GUCY2D: variants seen among roughly 807,000 people sequenced by gnomAD.
GUCY2D encodes the protein retinal guanylyl cyclase 1.
In GUCY2D, 70 loss-of-function variants were observed where a neutral mutation model predicts 101.3. The observed-to-expected ratio is 0.69, with a 90% confidence interval of 0.57 to 0.84. The LOEUF is 0.84. Ranked by LOEUF, GUCY2D falls within the 40% of genes least tolerant of loss-of-function variation. The pLI is 0.00. For missense variants in GUCY2D, 1,460 were observed against 1,542.5 expected (o/e 0.95, Z 0.90); for synonymous variants, 688 against 670.7 (o/e 1.03, Z -0.40).
chr17:8,006,652 G>A lies in GUCY2D; in HGVS notation c.1316G>A (p.Gly439Glu). The A allele has an allele frequency of 6.2e-7, 1 of 1,612,730 alleles. No homozygotes were observed. The highest frequency in any genetic ancestry group is 8.5e-7 in the Non-Finnish European group (1 of 1,179,498). Residue 439 changes from glycine to glutamate, a missense_variant, in exon 4 of 20, where the codon GGG becomes GAG. Coordinates refer to ENST00000254854, the MANE Select transcript of GUCY2D (RefSeq NM_000180.4). ...GGTACCCGGATGCACTTCCCGCGTG[G>A]GGGATCAGCACCCGGACCTGACCCC... ...SAGTRMHFPRGGSAPGPDPSC... is the reference protein window; with the variant it reads ...SAGTRMHFPREGSAPGPDPSC...
rs1175698198 is a variant in GUCY2D, at chr17:8,003,563, C to G, written c.516C>G (p.Leu172=). Residue 172 remains leucine, a synonymous_variant, in exon 2 of 20, where the codon CTC becomes CTG. Transcript: ENST00000254854. ...APAVTPAADA[L]YALLRAFGWA... ...CCGTGACCCCCGCCGCGGATGCCCT[C>G]TACGCCCTGCTTCGCGCATTCGGCT... 6.3e-7 allele frequency: 1 copy of G among 1,577,526 alleles called. No homozygotes were observed. Among genetic ancestry groups the G allele is most frequent in the Admixed American group, 1.7e-5 (1 of 58,082 alleles).
chr17:8,010,985 G>A (rs1459610370), intron 8 of GUCY2D, among the ~76,000 whole-genome samples: 3 of 152,068 alleles, frequency 2.0e-5, no homozygotes, highest in Non-Finnish European at 4.4e-5. Flanking sequence ...CTGAGGGAGG[G>A]TGGGAGTCTC....
In GUCY2D at chr17:8,007,151, A is replaced by T. The variant is rs763851107; in HGVS notation, c.1463+7A>T. On this transcript the variant is annotated splice_region_variant and intron_variant, in intron 5 of 19. Transcript: ENST00000254854. Reference sequence around the variant, plus strand: ...TCCTGGCCCATTATGTGAGGTGAGTAGTGGAATGAGGTAAGTAGGAAGTGA... The same window carrying T: ...TCCTGGCCCATTATGTGAGGTGAGTTGTGGAATGAGGTAAGTAGGAAGTGA... The T allele has an allele frequency of 7.5e-6, 12 of 1,593,984 alleles. No individual in the cohort carries two copies. Among genetic ancestry groups the T allele is most frequent in the Non-Finnish European group, 1.0e-5 (12 of 1,161,700 alleles).
rs1407482465 is a variant in GUCY2D, at chr17:8,016,267, C to CA, written c.3204dup (p.Pro1069ThrfsTer3). On this transcript the variant is annotated frameshift_variant, in exon 18 of 20. Transcript: ENST00000254854. LOFTEE classifies it high-confidence loss of function. ...GACGCGGCTTCAACAAGCCCATCCC[C>CA]AAACCGCCTGACCTGCAACCGGGGT... is the stretch of plus-strand genomic sequence containing the variant. 6.3e-7 allele frequency: 1 copy of CA among 1,579,298 alleles called. No homozygotes were observed. Among genetic ancestry groups the CA allele is most frequent in the Non-Finnish European group, 8.6e-7 (1 of 1,162,818 alleles).
In GUCY2D at chr17:8,013,877, C is replaced by T. The variant is rs773037460; in HGVS notation, c.2264-3C>T. On this transcript the variant is annotated splice_polypyrimidine_tract_variant and splice_region_variant and intron_variant, in intron 11 of 19. Coordinates refer to ENST00000254854, the MANE Select transcript of GUCY2D (RefSeq NM_000180.4). This position sits in a 1 kb window ranked among gnomAD's most constrained non-coding sequence, Gnocchi z 5.0. ...CCCCCTCACTGTCCCCTCATGCCTC[C>T]AGAAGTGGTGCAGAGGGTGCGGAGC... 6.2e-7 allele frequency: 1 copy of T among 1,613,372 alleles called. No homozygotes were observed. The highest frequency in any genetic ancestry group is 1.1e-5 in the South Asian group (1 of 91,070).
In GUCY2D at chr17:8,013,796, T is replaced by G; in HGVS notation, c.2264-84T>G. 1 of 1,152,654 alleles carries G rather than the reference T, an allele frequency of 8.7e-7. No homozygotes were observed. The allele number at this position is 1,152,654 out of a possible 1,614,324, so 71.4% of individuals were successfully genotyped here. The stretch of plus-strand genomic sequence containing the variant: ...CCTGCCAGGCACCCCCTCCCACATC[T>G]TGGTCTTCAACAGTCAGGCCAGGGT... On this transcript the variant is annotated intron_variant, in intron 11 of 19. Coordinates refer to ENST00000254854, the MANE Select transcript of GUCY2D (RefSeq NM_000180.4). The surrounding 1 kb of genome is among the most constrained non-coding windows in gnomAD (Gnocchi z 5.0).
In GUCY2D at chr17:8,003,682, T is replaced by A. The variant is rs1975681625; in HGVS notation, c.635T>A (p.Val212Asp). The A allele has an allele frequency of 3.8e-6, 6 of 1,597,080 alleles. No homozygotes were observed. Among genetic ancestry groups the A allele is most frequent in the Non-Finnish European group, 3.4e-6 (4 of 1,179,042 alleles). ...STALRARGLP[V>D]ASVTSMEPLD... Reference sequence around the variant, plus strand: ...GCACTCAGGGCCCGGGGCCTGCCTGTCGCCTCCGTGACTTCCATGGAGCCC... The same window carrying A: ...GCACTCAGGGCCCGGGGCCTGCCTGACGCCTCCGTGACTTCCATGGAGCCC... The change falls in exon 2 of 20, where the codon GTC becomes GAC. Residue 212 changes from valine to aspartate, a missense_variant. By Grantham distance (152) the Val-to-Asp change is radical. Transcript: ENST00000254854.
Position 8,015,934 on chromosome 17 carries a change from C to G in GUCY2D, c.3051C>G (p.Arg1017=), listed in dbSNP as rs143761257. 1.6e-5 allele frequency: 25 copies of G among 1,611,234 alleles called. No individual in the cohort carries two copies. The highest frequency in any genetic ancestry group is 3.4e-5 in the Admixed American group (2 of 59,686). ...SRMESTGLPY[R]IHVNLSTVGI... ...CGTCCCCCACCGCCACAGCTTACCG[C>G]ATCCACGTGAACTTGAGCACTGTGG... The change falls in exon 17 of 20, where the codon CGC becomes CGG. Residue 1017 remains arginine, a synonymous_variant. Coordinates refer to ENST00000254854, the MANE Select transcript of GUCY2D (RefSeq NM_000180.4).
Position 8,014,477 on chromosome 17 carries a change from G to A in GUCY2D, c.2413-124G>A. On this transcript the variant is annotated intron_variant, in intron 12 of 19. Coordinates refer to ENST00000254854, the MANE Select transcript of GUCY2D (RefSeq NM_000180.4). The surrounding 1 kb of genome is among the most constrained non-coding windows in gnomAD (Gnocchi z 4.0). Reference sequence around the variant, plus strand: ...CCGGGGTGCTTGATGAATAGTAGATGAATGGTGGCAGCGGGGTTGGGGTTC... The same window carrying A: ...CCGGGGTGCTTGATGAATAGTAGATAAATGGTGGCAGCGGGGTTGGGGTTC... The A allele has an allele frequency of 2.2e-6, 2 of 893,850 alleles. No individual in the cohort carries two copies. The highest frequency in any genetic ancestry group is 2.4e-5 in the East Asian group (1 of 41,366). The allele number at this position is 893,850 out of a possible 1,614,324, so 55.4% of individuals were successfully genotyped here. A position where few individuals can be genotyped will look rare whatever the true frequency, so the allele number is the denominator to read the frequency against.
Position 8,003,250 on chromosome 17 carries a change from T to A in GUCY2D, c.203T>A (p.Phe68Tyr), listed in dbSNP as rs1470514403. Residue 68 changes from phenylalanine to tyrosine, a missense_variant, in exon 2 of 20, where the codon TTC becomes TAC. Physicochemically the swap from Phe to Tyr is conservative, Grantham distance 22 (BLOSUM62 3). This residue lies in a region of GUCY2D where 1,196 missense variants were observed against 1,229.6 expected (regional missense o/e 0.97). Transcript: ENST00000254854. ...VLGPWACDPI[F>Y]SRARPDLAAR... ...GGCCCCTGGGCTTGCGACCCCATCT[T>A]CTCTCGGGCTCGCCCGGACCTGGCC... is the stretch of plus-strand genomic sequence containing the variant. 3 of 1,513,220 alleles carry A rather than the reference T, an allele frequency of 2.0e-6. No individual in the cohort carries two copies. The highest frequency in any genetic ancestry group is 2.1e-5 in the Admixed American group (1 of 48,298). 93.7% of individuals were successfully genotyped at this position (1,513,220 alleles called of 1,614,324 possible). A position where few individuals can be genotyped will look rare whatever the true frequency, so the allele number is the denominator to read the frequency against.
chr17:8,019,940 C>T (rs768915855), intron 19 of GUCY2D, among the ~76,000 whole-genome samples, 188 bp from the exon 20 acceptor site: 4 of 152,122 alleles, frequency 2.6e-5, no homozygotes, highest in South Asian at 2.1e-4. Flanking sequence ...AGCTGGCCTG[C>T]GCCAGGAGCC....
At position 8,007,409 on chromosome 17, in the gene GUCY2D, A is replaced by G; in HGVS notation, c.1464-17A>G. The G allele has an allele frequency of 6.5e-7, 1 of 1,527,618 alleles. No individual in the cohort carries two copies. Among genetic ancestry groups the G allele is most frequent in the Non-Finnish European group, 9.1e-7 (1 of 1,101,604 alleles). The allele number at this position is 1,527,618 out of a possible 1,614,324, so 94.6% of individuals were successfully genotyped here. A position where few individuals can be genotyped will look rare whatever the true frequency, so the allele number is the denominator to read the frequency against. ...GAACTTGGTGCCCTTGGTGGAGGTG[A>G]CCTCTTTCTCCACCAGGCACCGGCT... On this transcript the variant is annotated splice_polypyrimidine_tract_variant and intron_variant, in intron 5 of 19. Transcript: ENST00000254854.
rs1975691021 is a variant in GUCY2D at position 8,003,990 on chromosome 17, C to T, written c.860C>T (p.Pro287Leu). Reference sequence around the variant, plus strand: ...GACACGATCCACTACGCCTTGTCCCCAGGCCCGGAGGCCTTGGCCGCACTC... The same window carrying T: ...GACACGATCCACTACGCCTTGTCCCTAGGCCCGGAGGCCTTGGCCGCACTC... ...PFDTIHYALSPGPEALAALAN... is the reference protein window; with the variant it reads ...PFDTIHYALSLGPEALAALAN... The change falls in exon 3 of 20, where the codon CCA (proline) becomes CTA (leucine). Residue 287 changes from proline to leucine, a missense_variant. Physicochemically the swap from Pro to Leu is moderately conservative, Grantham distance 98 (BLOSUM62 -3). Transcript: ENST00000254854. 4 of 1,613,582 alleles carry T rather than the reference C, an allele frequency of 2.5e-6. No homozygotes were observed. The highest frequency in any genetic ancestry group is 2.5e-6 in the Non-Finnish European group (3 of 1,179,924).
In GUCY2D at chr17:8,011,961, T is replaced by C. The variant is rs2151802270; in HGVS notation, c.1750-183T>C. Reference sequence around the variant, plus strand: ...CAAACAGTGGCCTTTGACTATATTGTTTTTTCCAAAAATAGGACTATGTGT... The same window carrying C: ...CAAACAGTGGCCTTTGACTATATTGCTTTTTCCAAAAATAGGACTATGTGT... On this transcript the variant is annotated intron_variant, in intron 8 of 19. Transcript: ENST00000254854. The surrounding 1 kb of genome is among the most constrained non-coding windows in gnomAD (Gnocchi z 4.3). 6.6e-6 allele frequency among the ~76,000 whole-genome samples: 1 copy of C among 152,348 alleles called. No individual in the cohort carries two copies. Among genetic ancestry groups the C allele is most frequent in the African/African-American group, 2.4e-5 (1 of 41,590 alleles).
At position 8,003,240 on chromosome 17, in the gene GUCY2D, G is replaced by A. The variant is rs1975665781; in HGVS notation, c.193G>A (p.Asp65Asn). 4 of 1,516,408 alleles carry A rather than the reference G, an allele frequency of 2.6e-6. No individual in the cohort carries two copies. In the East Asian group the frequency reaches 1.1e-4, roughly 40 times the overall value. The allele number at this position is 1,516,408 out of a possible 1,614,324, so 93.9% of individuals were successfully genotyped here. A position where few individuals can be genotyped will look rare whatever the true frequency, so the allele number is the denominator to read the frequency against. The change falls in exon 2 of 20, where the codon GAC becomes AAC. Residue 65 changes from aspartate (D) to asparagine (N), a missense_variant. By Grantham distance (23) the Asp-to-Asn change is conservative. This residue lies in a region of GUCY2D where 1,196 missense variants were observed against 1,229.6 expected (regional missense o/e 0.97). Coordinates refer to ENST00000254854, the MANE Select transcript of GUCY2D (RefSeq NM_000180.4). ...TVGVLGPWACDPIFSRARPDL... is the reference protein window; with the variant it reads ...TVGVLGPWACNPIFSRARPDL... ...GGGGGTCCTGGGCCCCTGGGCTTGCGACCCCATCTTCTCTCGGGCTCGCCC... is the reference window on the plus strand; with the variant it reads ...GGGGGTCCTGGGCCCCTGGGCTTGCAACCCCATCTTCTCTCGGGCTCGCCC...
rs1187544137 is a variant in GUCY2D, at chr17:8,010,689, T to TGTGGGAGG, written c.1749+1103_1749+1104insGTGGGAGG. Among the ~76,000 whole-genome samples the TGTGGGAGG allele has an allele frequency of 3.3e-5, 5 of 151,182 alleles. No homozygotes were observed. In the East Asian group the frequency reaches 9.8e-4, roughly 30 times the overall value. On this transcript the variant is annotated intron_variant, in intron 8 of 19. Transcript: ENST00000254854. The stretch of plus-strand genomic sequence containing the variant: ...CGGGTGTGGTGGCGGGCGCCTGTAG[T>TGTGGGAGG]CCCAGCTACTGTGGGAGGCTGAGGC...
rs370291650 is a variant in GUCY2D, at chr17:8,003,970, G to C, written c.840G>C (p.Thr280=). 2 of 1,613,720 alleles carry C rather than the reference G, an allele frequency of 1.2e-6. No individual in the cohort carries two copies. The highest frequency in any genetic ancestry group is 1.1e-5 in the South Asian group (1 of 91,088). ...CCCTGGTCTTCCTGCCCTTCGACAC[G>C]ATCCACTACGCCTTGTCCCCAGGCC... ...DGSLVFLPFD[T]IHYALSPGPE... The change falls in exon 3 of 20, where the codon ACG becomes ACC. Residue 280 remains threonine, a synonymous_variant. Coordinates refer to ENST00000254854, the MANE Select transcript of GUCY2D (RefSeq NM_000180.4).
rs61750182 is a variant in GUCY2D at position 8,015,419 on chromosome 17, T to C, written c.2861T>C (p.Leu954Pro). The change falls in exon 15 of 20, where the codon CTG (leucine) becomes CCG (proline). Residue 954 changes from leucine to proline, a missense_variant. Leu to Pro is a moderately conservative substitution (Grantham distance 98). Transcript: ENST00000254854. ...RHAAEIANMSLDILSAVGTFR... is the reference protein window; with the variant it reads ...RHAAEIANMSPDILSAVGTFR... Reference sequence around the variant, plus strand: ...GCGGCAGAGATCGCCAACATGTCACTGGACATCCTCAGTGCCGTGGGCACT... The same window carrying C: ...GCGGCAGAGATCGCCAACATGTCACCGGACATCCTCAGTGCCGTGGGCACT... 1.2e-5 allele frequency: 20 copies of C among 1,613,808 alleles called. No individual in the cohort carries two copies. Among genetic ancestry groups the C allele is most frequent in the Non-Finnish European group, 1.7e-5 (20 of 1,179,984 alleles).
At chr17:8,016,082 C>A (rs1975967109) in intron 17 of GUCY2D, 61 bp downstream of exon 17, 4 of 1,465,228 alleles carry the variant, frequency 2.7e-6, no homozygotes, top group Non-Finnish European at 3.8e-6. Flanking sequence ...CCGCCCATCC[C>A]GGGCCGCGGC....
Sources: allele counts gnomAD v4.1 joint callset (sites outside exome capture counted in the v4.1 genomes callset), GRCh38; gene constraint gnomAD v4.1.1; regional missense constraint gnomAD v4.1.1; non-coding constraint Gnocchi (gnomAD v3.1); transcripts MANE v1.5; gene names NCBI Gene and HGNC (gene_info 2026-07-23, HGNC 2026-07-21).